MSRA: variants seen among roughly 807,000 people sequenced by gnomAD.
MSRA encodes the protein mitochondrial peptide methionine sulfoxide reductase.
In MSRA, 54 loss-of-function variants were observed where a neutral mutation model predicts 31.3. The observed-to-expected ratio is 1.73, with a 90% CI of 1.39 to 2.17. MSRA has a LOEUF of 2.17. Among genes scored for constraint, MSRA ranks in the 30% most tolerant of loss-of-function variants. The pLI is 0.00. For missense variants in MSRA, 507 were observed against 300.9 expected (o/e 1.69, Z -5.07); for synonymous variants, 169 against 116.5 (o/e 1.45, Z -2.90).
intron 5 of MSRA, among the ~76,000 whole-genome samples, chr8:10,350,295 C>T (rs951407048): frequency 6.6e-6 from 1 of 152,256 alleles, no homozygotes; most frequent in Non-Finnish European, 1.5e-5. Context: ...CTGTTTTATA[C>T]TCACAGCGCT....
At chr8:10,349,654 C>A (rs746742631) in intron 5 of MSRA, among the ~76,000 whole-genome samples, 1 of 152,226 alleles carries the variant, frequency 6.6e-6, no homozygotes, top group Non-Finnish European at 1.5e-5. Flanking sequence ...TTGTGGCCTT[C>A]GTCCCCTCTG....
intron 5 of MSRA, among the ~76,000 whole-genome samples, chr8:10,344,241 T>C (rs1803626821): frequency 6.6e-6 from 1 of 152,150 alleles, no homozygotes; most frequent in Non-Finnish European, 1.5e-5. Flanking sequence ...TCACCCCATC[T>C]GTACGGTGAT....
At chr8:10,224,265 A>G (rs1195066735) in intron 2 of MSRA, among the ~76,000 whole-genome samples, 1 of 152,204 alleles carries the variant, frequency 6.6e-6, no homozygotes, top group Non-Finnish European at 1.5e-5. Flanking sequence ...AAAGGGCGTG[A>G]AGAACTATGG....
intron 5 of MSRA, among the ~76,000 whole-genome samples, chr8:10,321,170 A>G (rs1344204698): frequency 6.6e-6 from 1 of 152,222 alleles, no homozygotes; most frequent in South Asian, 2.1e-4. Flanking sequence ...TTTAAAAACA[A>G]GTTGACTTGC....
intron 1 of MSRA, among the ~76,000 whole-genome samples, chr8:10,076,072 G>A (rs1797982511): frequency 8.6e-6 from 1 of 116,382 alleles, no homozygotes; most frequent in Non-Finnish European, 2.1e-5. Flanking sequence ...GCGAGTCAGA[G>A]CTGTGCGTCA....
intron 4 of MSRA, among the ~76,000 whole-genome samples, chr8:10,305,427 T>G (rs1298539650): frequency 7.0e-6 from 1 of 142,336 alleles, no homozygotes; most frequent in African/African-American, 2.8e-5. Flanking sequence ...TTTTTTTTTT[T>G]TTTCCGGATG....
At chr8:10,140,740 T>C (rs1802631967) in intron 1 of MSRA, among the ~76,000 whole-genome samples, 1 of 152,096 alleles carries the variant, frequency 6.6e-6, no homozygotes, top group Non-Finnish European at 1.5e-5. Flanking sequence ...AAAAAGAAGC[T>C]TAACTCCTTT....
rs576053077 is a variant in MSRA, at chr8:10,332,772, C to G, written c.543+12783C>G. On this transcript the variant is annotated intron_variant, in intron 5 of 5. Transcript: ENST00000317173. ...ACTGTATTTAGAAATCTCTGTATTA[C>G]CCTTGGGCATTTGTTCATTAATAGG... Among the ~76,000 whole-genome samples the G allele has an allele frequency of 5.3e-5, 8 of 152,268 alleles. No homozygotes were observed. The South Asian group carries it at 1.7e-3, about 32-fold the overall frequency.
At chr8:10,425,235 C>T in intron 5 of MSRA, among the ~76,000 whole-genome samples, 1 of 152,180 alleles carries the variant, frequency 6.6e-6, no homozygotes, top group East Asian at 1.9e-4. Context: ...CCTCTATCCG[C>T]CACCCGACAG....
intron 1 of MSRA, among the ~76,000 whole-genome samples, chr8:10,182,845 G>A (rs1192975196): frequency 2.0e-5 from 3 of 152,152 alleles, no homozygotes; most frequent in East Asian, 3.9e-4. Context: ...AATCACATAA[G>A]CGGCTGTCCT....
At chr8:10,101,534 C>G (rs143474243) in intron 1 of MSRA, among the ~76,000 whole-genome samples, 109 of 152,244 alleles carry the variant, frequency 7.2e-4, no homozygotes, top group African/African-American at 2.5e-3. Context: ...TTCTATTCTT[C>G]CCTTCCCCAA....
At chr8:10,229,761 T>C (rs1182768838) in intron 2 of MSRA, among the ~76,000 whole-genome samples, 1 of 152,218 alleles carries the variant, frequency 6.6e-6, no homozygotes, top group Non-Finnish European at 1.5e-5. Context: ...CAGTAAGTGT[T>C]TCAGCACGTA....
intron 1 of MSRA, among the ~76,000 whole-genome samples, chr8:10,086,206 G>T (rs1585116606): frequency 6.6e-6 from 1 of 152,208 alleles, no homozygotes; most frequent in Non-Finnish European, 1.5e-5. Flanking sequence ...GATATTGTCT[G>T]TCTTTATCCT....
intron 1 of MSRA, among the ~76,000 whole-genome samples, chr8:10,060,310 A>T (rs990143532): frequency 2.0e-5 from 3 of 152,208 alleles, no homozygotes; most frequent in African/African-American, 4.8e-5. Flanking sequence ...GTGAATGGGT[A>T]TGGAGGGATT....
chr8:10,184,992 A>T (rs565976332), intron 1 of MSRA, among the ~76,000 whole-genome samples: 7 of 152,336 alleles, frequency 4.6e-5, no homozygotes, highest in African/African-American at 1.7e-4. Context: ...TAGCCTTTTG[A>T]TCTTTATTGC....
chr8:10,212,606 C>G (rs11995395), intron 2 of MSRA, among the ~76,000 whole-genome samples: 15,179 of 152,194 alleles, frequency 0.1, 1,008 homozygotes, highest in East Asian at 0.26. Flanking sequence ...TTCATAAAAC[C>G]TAGTTTGTGA....
chr8:10,207,830 TAGC>T lies in MSRA; in HGVS notation c.143-2_143del. 6.2e-7 allele frequency: 1 copy of T among 1,603,688 alleles called. No homozygotes were observed. Among genetic ancestry groups the T allele is most frequent in the Non-Finnish European group, 8.5e-7 (1 of 1,175,668 alleles). ...ACTTGCATTTCTTTTTTTTTTTTTC[TAGC>T]CAAACATCATGTCAATGGCAACAGA... is the stretch of plus-strand genomic sequence containing the variant. On this transcript the variant is annotated splice_acceptor_variant and coding_sequence_variant, in exon 2 of 6. Transcript: ENST00000317173. LOFTEE classifies it high-confidence loss of function.
chr8:10,091,481 T>C (rs773011882), intron 1 of MSRA, among the ~76,000 whole-genome samples: 4 of 152,246 alleles, frequency 2.6e-5, no homozygotes, highest in Non-Finnish European at 5.9e-5. Context: ...ACACTTAGGC[T>C]GATTTCCTGT....
chr8:10,339,158 C>T lies in MSRA; in HGVS notation c.543+19169C>T, dbSNP rs562170107. Reference sequence around the variant, plus strand: ...GATCTCCTCTCTGGTCCCTGCCTTTCCTAGCCCCTTGGCTTTGGAATGAAA... The same window carrying T: ...GATCTCCTCTCTGGTCCCTGCCTTTTCTAGCCCCTTGGCTTTGGAATGAAA... On this transcript the variant is annotated intron_variant, in intron 5 of 5. Coordinates refer to ENST00000317173, the MANE Select transcript of MSRA (RefSeq NM_012331.5). Among the ~76,000 whole-genome samples the T allele has an allele frequency of 3.9e-5, 6 of 152,310 alleles. No homozygotes were observed. In the South Asian group the frequency reaches 1.2e-3, roughly 32 times the overall value.
Sources: gnomAD v4.1 joint callset for allele counts (sites outside exome capture counted in the v4.1 genomes callset) on GRCh38, gnomAD v4.1.1 for gene constraint, MANE v1.5 for transcripts, NCBI Gene and HGNC (gene_info 2026-07-23, HGNC 2026-07-21) for gene names.